Variants in ECM2 observed in about 807,000 individuals in gnomAD.
ECM2 encodes extracellular matrix protein 2, female organ and adipocyte specific.
Under a neutral mutation model 67.5 loss-of-function variants are expected in ECM2, and 57 were observed. That is an observed-to-expected ratio of 0.84 (90% CI 0.68 to 1.05). The LOEUF (loss-of-function observed/expected upper bound fraction) is 1.05. Among genes scored for constraint, ECM2 ranks in the 50% least tolerant of loss-of-function variants. ECM2 has a pLI of 0.00. For synonymous variants in ECM2, 258 were observed against 294.5 expected, an observed-to-expected ratio of 0.88 and a Z score of 1.27; for missense variants, 741 against 822.8, an observed-to-expected ratio of 0.90 and a Z score of 1.22.
Position 92,533,331 on chromosome 9 carries a change from ATATAT to A in ECM2, c.-28+2597_-28+2601del, listed in dbSNP as rs1563991507. On this transcript the variant is annotated intron_variant, in intron 1 of 9. Transcript: ENST00000344604. ...AAAAAAAAAAAAAAAAAAAAAAAAT[ATATAT>A]ATATATATATATATATATATATGCT... Among the ~76,000 whole-genome samples, 120 of 79,084 alleles carry A rather than the reference ATATAT, an allele frequency of 1.5e-3. 1 individual carries two copies. The highest frequency in any genetic ancestry group is 9.5e-3 in the East Asian group (15 of 1,582). The allele number at this position is 79,084 out of a possible 152,430, so 51.9% of individuals were successfully genotyped here.
Position 92,522,593 on chromosome 9 carries a change from T to C in ECM2, c.274A>G (p.Ser92Gly). The change falls in exon 2 of 10, where the codon AGT (serine) becomes GGT (glycine). Residue 92 changes from serine to glycine, a missense_variant. By Grantham distance (56) the Ser-to-Gly change is moderately conservative. Transcript: ENST00000344604. ...SFSSFPGVESSYNVLPGKKGH... is the reference protein window; with the variant it reads ...SFSSFPGVESGYNVLPGKKGH... ...CTCTTACCTGGTAACACATTATAAC[T>C]TGATTCTACTCCAGGAAAACTTGAA... 1 of 1,612,944 alleles carries C rather than the reference T, an allele frequency of 6.2e-7. No individual in the cohort carries two copies. The highest frequency in any genetic ancestry group is 1.7e-4 in the Middle Eastern group (1 of 6,058).
Position 92,496,554 on chromosome 9 carries a change from A to G in ECM2, c.1932-71T>C, listed in dbSNP as rs1332127229. ...TCTGCCTTTAGGAGTTAAGTTTAACATTTGTTAAAAAAATTTTGTTCTTAA... is the reference window on the plus strand; with the variant it reads ...TCTGCCTTTAGGAGTTAAGTTTAACGTTTGTTAAAAAAATTTTGTTCTTAA... On this transcript the variant is annotated intron_variant, in intron 9 of 9. Coordinates refer to ENST00000344604, the MANE Select transcript of ECM2 (RefSeq NM_001393.4). 15 of 1,543,102 alleles carry G rather than the reference A, an allele frequency of 9.7e-6. No individual in the cohort carries two copies. In the East Asian group the frequency reaches 3.0e-4, roughly 31 times the overall value.
downstream of ECM2, chr9:92,493,966 G>T: frequency 1.2e-6 from 1 of 869,186 alleles, no homozygotes; most frequent in Non-Finnish European, 1.8e-6. Context: ...CGTTGAGGGT[G>T]GCCGTAGTCT....
chr9:92,505,016 G>A (rs78833303), intron 7 of ECM2, among the ~76,000 whole-genome samples: 48 of 152,346 alleles, frequency 3.2e-4, no homozygotes, highest in African/African-American at 1.1e-3. Flanking sequence ...AGTTTTGGTA[G>A]GAACTGGGTG....
intron 3 of ECM2, among the ~76,000 whole-genome samples, chr9:92,515,687 A>G (rs1326740104): frequency 1.3e-5 from 2 of 152,224 alleles, no homozygotes; most frequent in Non-Finnish European, 2.9e-5. Context: ...ATAGCAGTGA[A>G]ACCAACTTTT....
chr9:92,552,057 TATATGTGATATGATAGATCTATC>T, the ECM2 span, among the ~76,000 whole-genome samples: 2 of 135,214 alleles, frequency 1.5e-5, no homozygotes, highest in African/African-American at 6.1e-5. Context: ...AGGTCTATCA[TATATGTGATATGATAGATCTATC>T]ATATATGTGA....
At chr9:92,549,200 G>A in the ECM2 span, among the ~76,000 whole-genome samples, 10 of 152,166 alleles carry the variant, frequency 6.6e-5, no homozygotes, top group Admixed American at 5.2e-4. Flanking sequence ...GTTCTGTTGT[G>A]CTCCAGAGAC....
intron 6 of ECM2, among the ~76,000 whole-genome samples, chr9:92,508,746 T>A (rs1228303386): frequency 6.6e-6 from 1 of 152,222 alleles, no homozygotes; most frequent in Admixed American, 6.5e-5. Flanking sequence ...TCATTATTAT[T>A]GTTCTTTTCT....
rs762219402 is a variant in ECM2, at chr9:92,505,559, G to T, written c.1438C>A (p.Pro480Thr). The T allele has an allele frequency of 6.2e-7, 1 of 1,604,692 alleles. No homozygotes were observed. The highest frequency in any genetic ancestry group is 1.1e-5 in the South Asian group (1 of 87,978). The part of the protein sequence containing the change: ...RLGKNKFRII[P>T]QGLPGSIEEL... ...TCAATAGAACCAGGAAGACCCTGCG[G>T]TATAATTCTAAATTTATTTTTTCCC... The change falls in exon 7 of 10, where the codon CCG (proline) becomes ACG (threonine). Residue 480 changes from proline (P) to threonine (T), a missense_variant. Transcript: ENST00000344604.
chr9:92,504,833 G>T (rs1254791095), intron 7 of ECM2, among the ~76,000 whole-genome samples: 1 of 152,128 alleles, frequency 6.6e-6, no homozygotes, highest in Non-Finnish European at 1.5e-5. Flanking sequence ...GCCACTGCAC[G>T]GTCCACCTCA....
In ECM2 at chr9:92,515,110, T is replaced by G; in HGVS notation, c.575A>C (p.His192Pro). 6.2e-7 allele frequency: 1 copy of G among 1,614,000 alleles called. No individual in the cohort carries two copies. Among genetic ancestry groups the G allele is most frequent in the Non-Finnish European group, 8.5e-7 (1 of 1,180,004 alleles). ...SEQREPTNLL[H>P]KQLPPPQVGM... ...CACCTGAGGAGGTGGCAGTTGCTTA[T>G]GAAGTAAATTGGTAGGTTCTCTTTG... The change falls in exon 4 of 10, where the codon CAT becomes CCT. Residue 192 changes from histidine to proline, a missense_variant. His to Pro is a moderately conservative substitution (Grantham distance 77). Transcript: ENST00000344604.
At chr9:92,501,547 C>T (rs528530750) in intron 8 of ECM2, among the ~76,000 whole-genome samples, 1 of 152,246 alleles carries the variant, frequency 6.6e-6, no homozygotes, top group African/African-American at 2.4e-5. Context: ...GGACTTGAGG[C>T]GAGCCTGAGG....
At chr9:92,497,192 TA>T (rs1846394924) in intron 9 of ECM2, among the ~76,000 whole-genome samples, 1 of 152,216 alleles carries the variant, frequency 6.6e-6, no homozygotes, top group Non-Finnish European at 1.5e-5. Flanking sequence ...TTATTTTTAG[TA>T]GTAAGAGTGG....
intron 1 of ECM2, among the ~76,000 whole-genome samples, chr9:92,534,473 C>A (rs1043288952): frequency 2.6e-5 from 4 of 152,256 alleles, no homozygotes; most frequent in African/African-American, 4.8e-5. Context: ...CTTTCTTCAG[C>A]GTATATATAC....
chr9:92,520,483 G>A (rs1208307548), intron 2 of ECM2, among the ~76,000 whole-genome samples: 1 of 152,174 alleles, frequency 6.6e-6, no homozygotes, highest in African/African-American at 2.4e-5. Flanking sequence ...GGAATGTAGA[G>A]AAACTGGAGT....
intron 2 of ECM2, among the ~76,000 whole-genome samples, chr9:92,518,439 A>C (rs1010358025): frequency 6.6e-6 from 1 of 152,208 alleles, no homozygotes; most frequent in Non-Finnish European, 1.5e-5. Context: ...CTGAGCTAGC[A>C]CTAATGATGA....
chr9:92,503,782 G>A (rs974300569), intron 7 of ECM2, among the ~76,000 whole-genome samples: 17 of 152,274 alleles, frequency 1.1e-4, no homozygotes, highest in African/African-American at 4.1e-4. Flanking sequence ...GCTTTTACCT[G>A]CATATGTATT....
Position 92,495,906 on chromosome 9 carries a change from T to C in ECM2, c.*409A>G. ...ACTTATTCATAAATTCTGCCTGCTT[T>C]TTTTGTTGTCATTATGCTTCTTAAT... On this transcript the variant is annotated 3_prime_UTR_variant, in exon 10 of 10. Transcript: ENST00000344604. 1 of 985,012 alleles carries C rather than the reference T, an allele frequency of 1.0e-6. No individual in the cohort carries two copies. The highest frequency in any genetic ancestry group is 1.2e-6 in the Non-Finnish European group (1 of 829,482). 61.0% of individuals were successfully genotyped at this position (985,012 alleles called of 1,614,324 possible). A position where few individuals can be genotyped will look rare whatever the true frequency, so the allele number is the denominator to read the frequency against.
At chr9:92,556,939 C>T in the ECM2 span, among the ~76,000 whole-genome samples, 1 of 152,122 alleles carries the variant, frequency 6.6e-6, no homozygotes, top group East Asian at 1.9e-4. Flanking sequence ...GTGATTTATG[C>T]TTTAAAGAGG....
Sources: allele counts gnomAD v4.1 joint callset (sites outside exome capture counted in the v4.1 genomes callset), GRCh38; gene constraint gnomAD v4.1.1; transcripts MANE v1.5; gene names NCBI Gene and HGNC (gene_info 2026-07-23, HGNC 2026-07-21).